Variants in KIAA1755 observed in about 807,000 individuals in gnomAD.
KIAA1755 encodes KIAA1755.
KIAA1755 carries 68 observed loss-of-function variants against 91.7 expected under a neutral mutation model. The observed-to-expected ratio is 0.74, with a 90% confidence interval of 0.61 to 0.91. KIAA1755 has a LOEUF of 0.91. KIAA1755 is among the 40% of genes least tolerant of loss of function. The pLI is 0.00. For synonymous variants in KIAA1755, 610 were observed against 604.6 expected, an observed-to-expected ratio of 1.01 and a Z score of -0.13; for missense variants, 1,535 against 1,494.4, an observed-to-expected ratio of 1.03 and a Z score of -0.45.
At chr20:38,240,002 T>C (rs1255690832) in intron 3 of KIAA1755, among the ~76,000 whole-genome samples, 1 of 152,082 alleles carries the variant, frequency 6.6e-6, no homozygotes, top group Non-Finnish European at 1.5e-5. Context: ...GCTTGAAAGA[T>C]CCTCCCACCT....
At chr20:38,231,832 ACTGT>A (rs2075869929) in intron 4 of KIAA1755, among the ~76,000 whole-genome samples, 1 of 152,192 alleles carries the variant, frequency 6.6e-6, no homozygotes, top group Non-Finnish European at 1.5e-5. Flanking sequence ...TACAATGATC[ACTGT>A]CTCTGTTCTC....
chr20:38,245,415 T>G (rs2076140879), intron 2 of KIAA1755, among the ~76,000 whole-genome samples: 1 of 152,234 alleles, frequency 6.6e-6, no homozygotes, highest in African/African-American at 2.4e-5. Context: ...GAGTGAGGAT[T>G]CTGTCATTTG....
chr20:38,241,920 A>G lies in KIAA1755; in HGVS notation c.211T>C (p.Ser71Pro), dbSNP rs926501132. 4 of 1,611,658 alleles carry G rather than the reference A, an allele frequency of 2.5e-6. No individual in the cohort carries two copies. ...CCCTCGTGTAAGAAGAGGCAGTGTG[A>G]GTAGGGAGCCTGTGGAGAGAAGGGG... ...QVREAACAPY[S>P]HCLFLHEGWP... The change falls in exon 3 of 14, where the codon TCA becomes CCA. Residue 71 changes from serine to proline, a missense_variant. Ser to Pro is a moderately conservative substitution (Grantham distance 74, BLOSUM62 -1). Transcript: ENST00000279024.
At chr20:38,259,498 T>C (rs1303808419) in intron 1 of KIAA1755, among the ~76,000 whole-genome samples, 1 of 150,168 alleles carries the variant, frequency 6.7e-6, no homozygotes, top group Non-Finnish European at 1.5e-5. Flanking sequence ...TGTACGTGTG[T>C]GTGAGTGCCT....
At chr20:38,228,067 C>A (rs758152704) in intron 6 of KIAA1755, 80 bp downstream of exon 6, 2 of 1,045,918 alleles carry the variant, frequency 1.9e-6, no homozygotes, top group East Asian at 5.3e-5. Flanking sequence ...GCCTTAAGCA[C>A]CCCCGGACTC....
intron 5 of KIAA1755, among the ~76,000 whole-genome samples, chr20:38,230,019 C>T (rs1435339727): frequency 1.3e-5 from 2 of 152,196 alleles, no homozygotes; most frequent in Non-Finnish European, 2.9e-5. Flanking sequence ...CATCACCTTC[C>T]ACCCCTTACC....
At chr20:38,242,443 G>A (rs1450601639) in intron 2 of KIAA1755, among the ~76,000 whole-genome samples, 1 of 152,164 alleles carries the variant, frequency 6.6e-6, no homozygotes, top group East Asian at 1.9e-4. Context: ...TATACAGATG[G>A]CCTCAATTTA....
intron 4 of KIAA1755, among the ~76,000 whole-genome samples, chr20:38,237,391 T>C (rs2075976795): frequency 1.3e-5 from 2 of 152,026 alleles, no homozygotes; most frequent in Non-Finnish European, 2.9e-5. Flanking sequence ...TTTTCCAGCT[T>C]CGTTCAGCTT....
rs758219459 is a variant in KIAA1755, at chr20:38,223,553, G to A, written c.2253C>T (p.Pro751=). ...ASIEEFEKAD[P]PGGMQEATRC... is the part of the protein sequence containing the mutation. ...CCAGGCTCACCTGCATCCCCCCAGGGGGGTCGGCCTTCTCGAATTCCTCGA... is the reference window on the plus strand; with the variant it reads ...CCAGGCTCACCTGCATCCCCCCAGGAGGGTCGGCCTTCTCGAATTCCTCGA... The change falls in exon 9 of 14, where the codon CCC becomes CCT. Residue 751 remains proline (P), a synonymous_variant. Coordinates refer to ENST00000279024, the MANE Select transcript of KIAA1755 (RefSeq NM_001029864.2). The A allele has an allele frequency of 6.3e-7, 1 of 1,596,892 alleles. No homozygotes were observed. Among genetic ancestry groups the A allele is most frequent in the South Asian group, 1.1e-5 (1 of 88,200 alleles).
intron 1 of KIAA1755, among the ~76,000 whole-genome samples, chr20:38,258,849 T>A (rs2076385494): frequency 6.6e-6 from 1 of 151,910 alleles, no homozygotes; most frequent in Non-Finnish European, 1.5e-5. Context: ...CTGGAAAGAG[T>A]TGCTCACCCT....
At chr20:38,231,373 C>G (rs1478466400) in intron 4 of KIAA1755, 48 bp from the exon 5 acceptor site, 1 of 1,545,278 alleles carries the variant, frequency 6.5e-7, no homozygotes, top group Non-Finnish European at 8.7e-7. Context: ...GTGGGGGGCC[C>G]TCTAGGGACC....
chr20:38,238,642 A>G (rs924463874), intron 4 of KIAA1755, among the ~76,000 whole-genome samples: 3 of 152,154 alleles, frequency 2.0e-5, no homozygotes, highest in African/African-American at 7.2e-5. Flanking sequence ...CTGGGTTTCA[A>G]TAATCTGTTG....
rs1178678821 is a variant in KIAA1755 at position 38,211,486 on chromosome 20, G to A, written c.*1556C>T. ...GGCCAGTATGAAGGGTGGGGCTTCTGGATGCTCCATCTAAGATCCGACAGA... is the reference window on the plus strand; with the variant it reads ...GGCCAGTATGAAGGGTGGGGCTTCTAGATGCTCCATCTAAGATCCGACAGA... On this transcript the variant is annotated 3_prime_UTR_variant, in exon 14 of 14. Coordinates refer to ENST00000279024, the MANE Select transcript of KIAA1755 (RefSeq NM_001029864.2). 6.6e-6 allele frequency: 1 copy of A among 152,382 alleles called. No homozygotes were observed. Among genetic ancestry groups the A allele is most frequent in the African/African-American group, 2.4e-5 (1 of 41,454 alleles). The allele number at this position is 152,382 out of a possible 1,614,324, so 9.4% of individuals were successfully genotyped here.
chr20:38,247,222 G>T (rs566309447), intron 1 of KIAA1755, among the ~76,000 whole-genome samples: 2 of 151,972 alleles, frequency 1.3e-5, no homozygotes, highest in African/African-American at 4.8e-5. Context: ...CTCCTCAAAG[G>T]TTCCCACCGT....
intron 4 of KIAA1755, chr20:38,233,472 C>T (rs1280412947): frequency 1.3e-5 from 2 of 152,082 alleles, no homozygotes; most frequent in African/African-American, 4.8e-5. Context: ...TTGTTGGGTC[C>T]CTTGGGTCAG....
At chr20:38,248,951 T>C (rs2076202770) in intron 1 of KIAA1755, among the ~76,000 whole-genome samples, 1 of 152,104 alleles carries the variant, frequency 6.6e-6, no homozygotes, top group Admixed American at 6.6e-5. Context: ...CTCGGCTCAC[T>C]GCAGTCTTGA....
rs375766294 is a variant in KIAA1755, at chr20:38,218,239, C to T, written c.2679+5G>A. On this transcript the variant is annotated splice_donor_5th_base_variant and intron_variant, in intron 12 of 13. Coordinates refer to ENST00000279024, the MANE Select transcript of KIAA1755 (RefSeq NM_001029864.2). ...AGTCCTGCTCCTCTGTTGTCTGGAA[C>T]GCACTGCAGCCTGGAGGAAGAAGTT... is the stretch of plus-strand genomic sequence containing the variant. 1,887 of 1,614,156 alleles carry T rather than the reference C, an allele frequency of 1.2e-3. 1 individual carries two copies. Among genetic ancestry groups the T allele is most frequent in the Non-Finnish European group, 1.5e-3 (1,793 of 1,180,038 alleles).
At chr20:38,246,430 A>G (rs2123278668) in intron 1 of KIAA1755, among the ~76,000 whole-genome samples, 1 of 145,070 alleles carries the variant, frequency 6.9e-6, no homozygotes, top group Admixed American at 6.8e-5. Flanking sequence ...TCATCTGCTG[A>G]TCCACGGAGA....
At position 38,241,064 on chromosome 20, in the gene KIAA1755, A is replaced by G; in HGVS notation, c.1067T>C (p.Val356Ala). Residue 356 changes from valine to alanine, a missense_variant, in exon 3 of 14, where the codon GTC (valine) becomes GCC (alanine). Val to Ala is a moderately conservative substitution (Grantham distance 64, BLOSUM62 0). Coordinates refer to ENST00000279024, the MANE Select transcript of KIAA1755 (RefSeq NM_001029864.2). ...GTTGTGGGTGGGTGCTTTAAGATTG[A>G]CCTTTCTCCTGAAGCCCAAATTATA... ...RPYNLGFRRK[V>A]NLKAPTHNSE... 1 of 1,613,964 alleles carries G rather than the reference A, an allele frequency of 6.2e-7. No individual in the cohort carries two copies. The highest frequency in any genetic ancestry group is 8.5e-7 in the Non-Finnish European group (1 of 1,179,980).
Sources: allele counts gnomAD v4.1 joint callset (sites outside exome capture counted in the v4.1 genomes callset), GRCh38; gene constraint gnomAD v4.1.1; transcripts MANE v1.5; gene names NCBI Gene and HGNC (gene_info 2026-07-23, HGNC 2026-07-21).